Variants in PDE10A observed in about 807,000 individuals in gnomAD.
PDE10A encodes phosphodiesterase 10A, also known as cAMP and cAMP-inhibited cGMP 3',5'-cyclic phosphodiesterase 10A.
In PDE10A, 39 loss-of-function variants were observed where a neutral mutation model predicts 97.7. The observed-to-expected ratio is 0.40, with a 90% CI of 0.31 to 0.52. PDE10A has a LOEUF of 0.52. PDE10A is among the 20% of genes least tolerant of loss of function. The probability of loss-of-function intolerance (pLI) is 0.56; values close to 1 mark genes in which losing one functional copy is unlikely to be tolerated. For synonymous variants in PDE10A, 371 were observed against 376.8 expected (o/e 0.98, Z 0.18); for missense variants, 731 against 1,047.8 (o/e 0.70, Z 4.17).
At chr6:165,848,387 C>G (rs1350555724) in intron 1 of PDE10A, among the ~76,000 whole-genome samples, 1 of 152,054 alleles carries the variant, frequency 6.6e-6, no homozygotes, top group Non-Finnish European at 1.5e-5. Context: ...GCAGAGGAGG[C>G]GTGGAGTGGC....
chr6:165,371,527 GGAA>G (rs1477544630), intron 18 of PDE10A, among the ~76,000 whole-genome samples: 2 of 151,954 alleles, frequency 1.3e-5, no homozygotes, highest in African/African-American at 4.8e-5. Context: ...GACTAAACCA[GGAA>G]GAAGTTGAAT....
intron 1 of PDE10A, among the ~76,000 whole-genome samples, chr6:165,958,694 G>A (rs200448094): frequency 1.2e-4 from 10 of 81,864 alleles, no homozygotes; most frequent in East Asian, 1.2e-3. Context: ...AAGAAAGAAA[G>A]AGAAAGAAAG....
At chr6:165,898,111 C>G (rs984217609) in intron 1 of PDE10A, among the ~76,000 whole-genome samples, 2 of 151,882 alleles carry the variant, frequency 1.3e-5, no homozygotes, top group Non-Finnish European at 2.9e-5. Context: ...CCCTCCACCC[C>G]CCATGAGTTG....
intron 1 of PDE10A, among the ~76,000 whole-genome samples, chr6:165,569,383 T>C (rs1027971989): frequency 1.5e-4 from 23 of 152,238 alleles, no homozygotes; most frequent in African/African-American, 5.3e-4. Context: ...TTATTATTCT[T>C]TCTTCTTTTG....
At chr6:165,460,919 C>T (rs1432730782) in intron 3 of PDE10A, among the ~76,000 whole-genome samples, 1 of 152,078 alleles carries the variant, frequency 6.6e-6, no homozygotes, top group Non-Finnish European at 1.5e-5. Flanking sequence ...AAGTTCCTGC[C>T]AAAAATTAGG....
At chr6:165,686,219 G>A (rs763596729) in intron 1 of PDE10A, among the ~76,000 whole-genome samples, 2 of 151,292 alleles carry the variant, frequency 1.3e-5, no homozygotes, top group Admixed American at 6.6e-5. Flanking sequence ...GACAGCGCTC[G>A]CTACACTCCA....
intron 1 of PDE10A, among the ~76,000 whole-genome samples, chr6:165,861,412 C>T (rs1026080046): frequency 2.0e-5 from 3 of 148,002 alleles, no homozygotes; most frequent in African/African-American, 7.5e-5. Context: ...ATGGAGGCAA[C>T]AAAGTAGGGG....
exon 1 of PDE10A, chr6:165,987,747 A>C (rs182796545): frequency 2.2e-6 from 1 of 456,490 alleles, no homozygotes; most frequent in Admixed American, 2.4e-5. Flanking sequence ...TCCGCTCAGC[A>C]GGCAGATTCC....
At chr6:165,929,489 C>T (rs1277559217) in intron 1 of PDE10A, among the ~76,000 whole-genome samples, 2 of 152,216 alleles carry the variant, frequency 1.3e-5, no homozygotes, top group Non-Finnish European at 2.9e-5. Context: ...ATTACAACCA[C>T]TTAGGTTGGG....
chr6:165,722,462 G>A (rs1187341334), intron 1 of PDE10A, among the ~76,000 whole-genome samples: 2 of 152,230 alleles, frequency 1.3e-5, no homozygotes, highest in South Asian at 2.1e-4. Flanking sequence ...TCCTGTGTAT[G>A]CTATGTTTCT....
rs371726740 is a variant in PDE10A at position 165,381,751 on chromosome 6, G to A, written c.2611-2385C>T. Among the ~76,000 whole-genome samples, 8 of 151,302 alleles carry A rather than the reference G, an allele frequency of 5.3e-5. No individual in the cohort carries two copies. The East Asian group carries it at 1.6e-3, about 30-fold the overall frequency. ...CTGCATCGGCCTCCCAAAGTGCTGG[G>A]ATTACAGACGTGAGCCACCGCGCCC... On this transcript the variant is annotated intron_variant, in intron 17 of 21. Transcript: ENST00000539869.
chr6:165,907,329 G>A (rs781261723), intron 1 of PDE10A, among the ~76,000 whole-genome samples: 4 of 152,350 alleles, frequency 2.6e-5, no homozygotes, highest in Admixed American at 6.5e-5. Context: ...TGTTCCCAGC[G>A]TGGAAGGCCA....
chr6:165,973,773 C>G (rs1784768111), intron 1 of PDE10A, among the ~76,000 whole-genome samples: 1 of 152,222 alleles, frequency 6.6e-6, no homozygotes, highest in African/African-American at 2.4e-5. Flanking sequence ...TGGACCGCAG[C>G]AGTGTTCATT....
Position 165,428,664 on chromosome 6 carries a change from G to T in PDE10A, c.1647C>A (p.His549Gln). ...NIVAIDSLLE[H>Q]IMIYAKNLVN... ...CAGAACAAAAACAACCTACCATTAT[G>T]TGTTCAAGTAGAGAATCTATTGCAA... Residue 549 changes from histidine to glutamine, a missense_variant, in exon 10 of 22, where the codon CAC (histidine) becomes CAA (glutamine). This residue lies in a region of PDE10A where 108 missense variants were observed against 199.8 expected (regional missense o/e 0.54). Coordinates refer to ENST00000539869, the MANE Select transcript of PDE10A (RefSeq NM_001385079.1). 1.5e-6 allele frequency: 2 copies of T among 1,332,688 alleles called. No individual in the cohort carries two copies. Among genetic ancestry groups the T allele is most frequent in the Non-Finnish European group, 1.1e-6 (1 of 936,848 alleles). The allele number at this position is 1,332,688 out of a possible 1,614,324, so 82.6% of individuals were successfully genotyped here.
intron 5 of PDE10A, among the ~76,000 whole-genome samples, chr6:165,436,156 A>AAAATTTGAAAATAT (rs1789999694): frequency 6.6e-6 from 1 of 152,224 alleles, no homozygotes; most frequent in African/African-American, 2.4e-5. Flanking sequence ...GATTATCTAC[A>AAAATTTGAAAATAT]AAATTTGAAA....
chr6:165,502,836 G>A (rs1406039854), intron 2 of PDE10A, among the ~76,000 whole-genome samples: 1 of 152,190 alleles, frequency 6.6e-6, no homozygotes, highest in Non-Finnish European at 1.5e-5. Context: ...AGGAACTAGA[G>A]GAGGGTGGAG....
intron 1 of PDE10A, among the ~76,000 whole-genome samples, chr6:165,950,501 C>G (rs1783918984): frequency 6.6e-6 from 1 of 152,170 alleles, no homozygotes; most frequent in South Asian, 2.1e-4. Context: ...AGGAAGGACA[C>G]CGGGCGGGAG....
At chr6:165,651,277 T>C (rs78774710) in intron 1 of PDE10A, among the ~76,000 whole-genome samples, 3,870 of 152,330 alleles carry the variant, frequency 0.025, 169 homozygotes, top group African/African-American at 0.087. Flanking sequence ...CAAAGAGCCA[T>C]TTACTTCCCT....
intron 13 of PDE10A, among the ~76,000 whole-genome samples, chr6:165,400,808 A>G (rs1786601696): frequency 6.6e-6 from 1 of 152,202 alleles, no homozygotes; most frequent in Non-Finnish European, 1.5e-5. Context: ...ACTGGAAATC[A>G]CTCAAAAATC....
Sources: allele counts gnomAD v4.1 joint callset (sites outside exome capture counted in the v4.1 genomes callset), GRCh38; gene constraint gnomAD v4.1.1; regional missense constraint gnomAD v4.1.1; transcripts MANE v1.5; gene names NCBI Gene and HGNC (gene_info 2026-07-23, HGNC 2026-07-21).